BMERB1: variants seen among roughly 807,000 people sequenced by gnomAD.
BMERB1 encodes the protein bMERB domain-containing protein 1.
Under a neutral mutation model 23.6 loss-of-function variants are expected in BMERB1, and 12 were observed. The ratio of observed to expected loss-of-function variants is 0.51; its 90% CI spans 0.33 to 0.82. The LOEUF is 0.82. Among genes scored for constraint, BMERB1 ranks in the 40% least tolerant of loss-of-function variants. BMERB1 has a pLI of 0.03. For synonymous variants in BMERB1, 122 were observed against 96.6 expected, an observed-to-expected ratio of 1.26 and a Z score of -1.54; for missense variants, 247 against 255.4, an observed-to-expected ratio of 0.97 and a Z score of 0.22.
intron 1 of BMERB1, among the ~76,000 whole-genome samples, chr16:15,472,788 T>C (rs1408253808): frequency 6.6e-6 from 1 of 152,034 alleles, no homozygotes; most frequent in Non-Finnish European, 1.5e-5. Flanking sequence ...TGTTTGTTTC[T>C]CCTGTTTTTC....
intron 1 of BMERB1, among the ~76,000 whole-genome samples, chr16:15,503,112 T>C (rs1021822114): frequency 2.6e-5 from 4 of 152,200 alleles, no homozygotes; most frequent in African/African-American, 9.6e-5. Context: ...ATCCACAAAT[T>C]ACCAAGAAGC....
intron 1 of BMERB1, among the ~76,000 whole-genome samples, chr16:15,457,561 G>A (rs1458486690): frequency 6.6e-6 from 1 of 152,158 alleles, no homozygotes; most frequent in African/African-American, 2.4e-5. Flanking sequence ...GCAGCAGTCT[G>A]TGTTTGTAGC....
chr16:15,473,135 C>T (rs1182370588), intron 1 of BMERB1, among the ~76,000 whole-genome samples: 2 of 152,040 alleles, frequency 1.3e-5, no homozygotes, highest in African/African-American at 2.4e-5. Flanking sequence ...GTTGGGATTA[C>T]AGGCGTGAGC....
chr16:15,563,887 C>T (rs2030494462), intron 2 of BMERB1, among the ~76,000 whole-genome samples: 1 of 152,148 alleles, frequency 6.6e-6, no homozygotes, highest in African/African-American at 2.4e-5. Context: ...ATCATAGGCC[C>T]CAGTGGGAGG....
intron 3 of BMERB1, among the ~76,000 whole-genome samples, chr16:15,578,203 G>T (rs1197239022): frequency 6.6e-6 from 1 of 150,682 alleles, no homozygotes; most frequent in Admixed American, 6.6e-5. Flanking sequence ...CCCTGTGTGT[G>T]TCTGTGTGTC....
At chr16:15,532,544 C>CTTTT (rs58964968) in intron 2 of BMERB1, among the ~76,000 whole-genome samples, 42 of 91,824 alleles carry the variant, frequency 4.6e-4, no homozygotes, top group East Asian at 6.4e-4. Context: ...TTTTCTTTTT[C>CTTTT]TTTTTTTTTT....
intron 1 of BMERB1, among the ~76,000 whole-genome samples, chr16:15,480,407 C>T (rs931284959): frequency 6.6e-6 from 1 of 151,974 alleles, no homozygotes; most frequent in African/African-American, 2.4e-5. Context: ...AGCCACTGCA[C>T]CTGGCCAATC....
intron 1 of BMERB1, among the ~76,000 whole-genome samples, chr16:15,489,491 C>T (rs766912178): frequency 6.6e-6 from 1 of 152,144 alleles, no homozygotes. Flanking sequence ...GTTTGGCAAG[C>T]CCAGTCCCAC....
At chr16:15,533,040 C>A (rs1362009358) in intron 2 of BMERB1, 1 of 455,792 alleles carries the variant, frequency 2.2e-6, no homozygotes, top group Non-Finnish European at 4.4e-6. Flanking sequence ...GTGGCCTCAT[C>A]TGTTAAATAG....
chr16:15,554,663 CT>C (rs55937169), intron 2 of BMERB1, among the ~76,000 whole-genome samples: 17 of 144,614 alleles, frequency 1.2e-4, no homozygotes, highest in East Asian at 6.2e-4. Flanking sequence ...ACCAAGTATT[CT>C]TTTTTTTTTC....
At chr16:15,493,701 C>T (rs1020382316) in intron 1 of BMERB1, among the ~76,000 whole-genome samples, 6 of 151,812 alleles carry the variant, frequency 4.0e-5, no homozygotes, top group Admixed American at 3.3e-4. Context: ...GTCCCCCCTC[C>T]GCAGACCACC....
intron 3 of BMERB1, among the ~76,000 whole-genome samples, chr16:15,568,366 G>A (rs1384302431): frequency 2.0e-5 from 3 of 152,200 alleles, no homozygotes; most frequent in Non-Finnish European, 2.9e-5. Context: ...GGCTGGGCAC[G>A]GTGGCTAATG....
chr16:15,451,875 T>C (rs1234052248), intron 1 of BMERB1, among the ~76,000 whole-genome samples: 1 of 151,552 alleles, frequency 6.6e-6, no homozygotes, highest in Non-Finnish European at 1.5e-5. Context: ...TGCATCTGGC[T>C]CTCTGAGTAT....
Position 15,587,404 on chromosome 16 carries a change from C to A in BMERB1, c.*575C>A, listed in dbSNP as rs1321274055. 3.4e-6 allele frequency: 1 copy of A among 290,602 alleles called. No homozygotes were observed. The highest frequency in any genetic ancestry group is 4.0e-5 in the Admixed American group (1 of 24,912). The allele number at this position is 290,602 out of a possible 1,614,324, so 18.0% of individuals were successfully genotyped here. A position where few individuals can be genotyped will look rare whatever the true frequency, so the allele number is the denominator to read the frequency against. On this transcript the variant is annotated 3_prime_UTR_variant, in exon 6 of 6. Coordinates refer to ENST00000300006, the MANE Select transcript of BMERB1 (RefSeq NM_033201.3). ...AGAGGGCCCATCTGTAAAGATCGAG[C>A]TTGTGTGTGGTGTCGTGGTCACATC...
intron 1 of BMERB1, among the ~76,000 whole-genome samples, chr16:15,443,973 G>C (rs1309346147): frequency 6.6e-6 from 1 of 151,844 alleles, no homozygotes; most frequent in Non-Finnish European, 1.5e-5. Context: ...GGAGCTGCAG[G>C]CCAACAGCAA....
At chr16:15,580,679 C>T (rs887030472) in intron 3 of BMERB1, among the ~76,000 whole-genome samples, 2 of 150,982 alleles carry the variant, frequency 1.3e-5, no homozygotes, top group Admixed American at 1.3e-4. Context: ...TCCCGAGTAG[C>T]TGGGACTACA....
chr16:15,528,509 C>T (rs1205295962), intron 2 of BMERB1, among the ~76,000 whole-genome samples: 1 of 152,064 alleles, frequency 6.6e-6, no homozygotes, highest in Non-Finnish European at 1.5e-5. Context: ...GCTGGATCTG[C>T]TCACACCTCT....
rs1393353652 is a variant in BMERB1 at position 15,580,020 on chromosome 16, C to T, written c.305-1197C>T. Among the ~76,000 whole-genome samples, 3 of 152,102 alleles carry T rather than the reference C, an allele frequency of 2.0e-5. No individual in the cohort carries two copies. The East Asian group carries it at 5.8e-4, about 29-fold the overall frequency. ...GCTTGCTGCACCTGTCAGCCCGACACATAGGTATTAAGCCCAGCATGCATT... is the reference window on the plus strand; with the variant it reads ...GCTTGCTGCACCTGTCAGCCCGACATATAGGTATTAAGCCCAGCATGCATT... On this transcript the variant is annotated intron_variant, in intron 3 of 5. Transcript: ENST00000300006.
chr16:15,467,483 G>A (rs1251116624), intron 1 of BMERB1, among the ~76,000 whole-genome samples: 1 of 152,106 alleles, frequency 6.6e-6, no homozygotes, highest in Non-Finnish European at 1.5e-5. Flanking sequence ...ATGTCCATCT[G>A]TATAATCTCT....
Sources: gnomAD v4.1 joint callset for allele counts (sites outside exome capture counted in the v4.1 genomes callset) on GRCh38, gnomAD v4.1.1 for gene constraint, MANE v1.5 for transcripts, NCBI Gene and HGNC (gene_info 2026-07-23, HGNC 2026-07-21) for gene names.